GPR19: variants seen among roughly 807,000 people sequenced by gnomAD.
GPR19 encodes the protein probable G protein-coupled receptor 19.
GPR19 carries 14 observed loss-of-function variants against 28.5 expected under a neutral mutation model. That is an observed-to-expected ratio of 0.49 (90% CI 0.32 to 0.77). The LOEUF (loss-of-function observed/expected upper bound fraction) is 0.77. GPR19 is among the 30% of genes least tolerant of loss of function. GPR19 has a pLI of 0.03. For missense variants in GPR19, 409 were observed against 504.1 expected, an observed-to-expected ratio of 0.81 and a Z score of 1.81; for synonymous variants, 173 against 184.1, an observed-to-expected ratio of 0.94 and a Z score of 0.49.
the GPR19 span, among the ~76,000 whole-genome samples, chr12:12,714,373 A>AGC: frequency 3.3e-5 from 5 of 152,188 alleles, no homozygotes; most frequent in Admixed American, 3.3e-4. Flanking sequence ...CTTGGGTGAG[A>AGC]GCGCTGCATC....
chr12:12,677,257 A>AGT (rs1945945587), intron 3 of GPR19, among the ~76,000 whole-genome samples: 1 of 140,156 alleles, frequency 7.1e-6, no homozygotes, highest in Non-Finnish European at 1.5e-5. Context: ...CCCAGGCTGG[A>AGT]GTGCAGTAGT....
chr12:12,686,877 TG>T (rs1360489052), intron 2 of GPR19, among the ~76,000 whole-genome samples: 1 of 152,246 alleles, frequency 6.6e-6, no homozygotes, highest in Admixed American at 6.5e-5. Flanking sequence ...GATGACTGCA[TG>T]TATATATTAT....
chr12:12,666,623 T>G (rs1945783551), intron 3 of GPR19, among the ~76,000 whole-genome samples: 1 of 152,210 alleles, frequency 6.6e-6, no homozygotes, highest in African/African-American at 2.4e-5. Flanking sequence ...TGGACTCCAG[T>G]AGGGAGATGG....
At chr12:12,716,975 C>T in the GPR19 span, 2 of 992,028 alleles carry the variant, frequency 2.0e-6, no homozygotes, top group Non-Finnish European at 2.4e-6. Flanking sequence ...CTTCGCGGTC[C>T]TCTGGTCCAG....
chr12:12,715,985 T>C, the GPR19 span: 1 of 152,236 alleles, frequency 6.6e-6, no homozygotes, highest in East Asian at 1.9e-4. Flanking sequence ...TGTGTAATAT[T>C]AGAACGGAAG....
chr12:12,683,718 A>G (rs959351003), intron 3 of GPR19, among the ~76,000 whole-genome samples: 2 of 152,264 alleles, frequency 1.3e-5, no homozygotes, highest in Non-Finnish European at 2.9e-5. Flanking sequence ...AGTCAAAGAC[A>G]TGAAAATTTG....
At chr12:12,666,412 A>G (rs1488106377) in intron 3 of GPR19, among the ~76,000 whole-genome samples, 1 of 152,216 alleles carries the variant, frequency 6.6e-6, no homozygotes, top group Admixed American at 6.5e-5. Context: ...CTAGCTTAGC[A>G]ATACAGTAGA....
chr12:12,702,659 G>T, the GPR19 span, among the ~76,000 whole-genome samples: 142,844 of 152,190 alleles, frequency 0.94, 67,654 homozygotes, highest in East Asian at 1. Context: ...TCTGCTTTGA[G>T]AATCACTCAA....
chr12:12,669,693 C>G (rs907951332), intron 3 of GPR19, among the ~76,000 whole-genome samples: 3 of 152,098 alleles, frequency 2.0e-5, no homozygotes, highest in Non-Finnish European at 4.4e-5. Flanking sequence ...GTTTTTTTCC[C>G]CCCTCTGCAG....
At chr12:12,691,967 AG>A (rs1326517538) in intron 2 of GPR19, among the ~76,000 whole-genome samples, 2 of 152,224 alleles carry the variant, frequency 1.3e-5, no homozygotes, top group Non-Finnish European at 2.9e-5. Context: ...GACTTAGTTT[AG>A]GCATTTCTCC....
chr12:12,708,321 A>T, the GPR19 span, among the ~76,000 whole-genome samples: 1 of 152,070 alleles, frequency 6.6e-6, no homozygotes, highest in African/African-American at 2.4e-5. Context: ...TTTTACTTGG[A>T]AATGAAAATT....
chr12:12,678,565 A>G (rs1945971002), intron 3 of GPR19, among the ~76,000 whole-genome samples: 1 of 152,208 alleles, frequency 6.6e-6, no homozygotes, highest in African/African-American at 2.4e-5. Flanking sequence ...ATAAGCATTT[A>G]ATAAGAATCT....
the GPR19 span, among the ~76,000 whole-genome samples, chr12:12,711,626 T>C: frequency 4.6e-5 from 7 of 152,188 alleles, no homozygotes; most frequent in Non-Finnish European, 1.0e-4. Context: ...ATTCTGCTAC[T>C]GGGAAAGAAG....
upstream of GPR19, among the ~76,000 whole-genome samples, chr12:12,700,402 G>C (rs903298494): frequency 6.6e-6 from 1 of 151,984 alleles, no homozygotes; most frequent in African/African-American, 2.4e-5. Context: ...GGCAAAAAAT[G>C]TTTCCCATAT....
upstream of GPR19, among the ~76,000 whole-genome samples, chr12:12,696,716 G>T (rs1004358452): frequency 2.6e-5 from 4 of 152,252 alleles, no homozygotes; most frequent in African/African-American, 9.6e-5. Flanking sequence ...TACCAGTCCA[G>T]GCGAAGCGCT....
the GPR19 span, chr12:12,717,213 C>T: frequency 7.6e-6 from 8 of 1,048,704 alleles, no homozygotes; most frequent in South Asian, 9.1e-5. Context: ...CGGCGGCGCT[C>T]GGGGAGGCGG....
At chr12:12,705,530 G>A in the GPR19 span, among the ~76,000 whole-genome samples, 4 of 151,858 alleles carry the variant, frequency 2.6e-5, no homozygotes, top group East Asian at 5.8e-4. Flanking sequence ...TTAAAGATAA[G>A]GTCATTTGTC....
chr12:12,671,204 G>A (rs902990698), intron 3 of GPR19, among the ~76,000 whole-genome samples: 19 of 151,878 alleles, frequency 1.3e-4, no homozygotes, highest in Admixed American at 3.9e-4. Flanking sequence ...TACTAGGGAG[G>A]CTGAGGCAGG....
At chr12:12,675,194 A>G (rs1192911308) in intron 3 of GPR19, among the ~76,000 whole-genome samples, 2 of 152,132 alleles carry the variant, frequency 1.3e-5, no homozygotes, top group Non-Finnish European at 2.9e-5. Flanking sequence ...AGGTTTTTTT[A>G]TAGACAAAAG....
Sources: allele counts gnomAD v4.1 joint callset (sites outside exome capture counted in the v4.1 genomes callset), GRCh38; gene constraint gnomAD v4.1.1; transcripts MANE v1.5; gene names NCBI Gene and HGNC (gene_info 2026-07-23, HGNC 2026-07-21).